Variants in CCDC170 observed in about 807,000 individuals in gnomAD.
The protein encoded by CCDC170 is coiled-coil domain containing 170.
A neutral mutation model predicts 72.6 loss-of-function variants in CCDC170; 69 were observed. The observed-to-expected ratio is 0.95, with a 90% CI of 0.78 to 1.16. The LOEUF (loss-of-function observed/expected upper bound fraction) is 1.16. CCDC170 is among the 50% of genes most tolerant of loss of function. The pLI, the probability that CCDC170 is intolerant of heterozygous loss-of-function variation, is 0.00. For missense variants in CCDC170, 852 were observed against 832.5 expected, an observed-to-expected ratio of 1.02 and a Z score of -0.29; for synonymous variants, 300 against 303.9, an observed-to-expected ratio of 0.99 and a Z score of 0.13.
At chr6:151,563,969 A>G (rs1776088257) in intron 5 of CCDC170, among the ~76,000 whole-genome samples, 1 of 152,042 alleles carries the variant, frequency 6.6e-6, no homozygotes, top group Non-Finnish European at 1.5e-5. Context: ...TTGTCCATTC[A>G]CTAGTAACTT....
intron 5 of CCDC170, among the ~76,000 whole-genome samples, chr6:151,554,092 T>A (rs1382173366): frequency 6.6e-6 from 1 of 152,200 alleles, no homozygotes; most frequent in Non-Finnish European, 1.5e-5. Flanking sequence ...ATAAATATAT[T>A]ACTTAAAAAT....
At chr6:151,529,979 AC>A (rs1331590740) in intron 1 of CCDC170, among the ~76,000 whole-genome samples, 1 of 152,188 alleles carries the variant, frequency 6.6e-6, no homozygotes, top group African/African-American at 2.4e-5. Flanking sequence ...CTCTGGTGAT[AC>A]CTAACCTACT....
At chr6:151,571,348 T>C (rs4870043) in intron 5 of CCDC170, among the ~76,000 whole-genome samples, 139,332 of 152,028 alleles carry the variant, frequency 0.92, 64,101 homozygotes, top group East Asian at 0.99. Flanking sequence ...GTTAACTAGG[T>C]AGCAATACTA....
intron 6 of CCDC170, among the ~76,000 whole-genome samples, chr6:151,575,474 G>C (rs1373716143): frequency 6.7e-6 from 1 of 148,946 alleles, no homozygotes; most frequent in Non-Finnish European, 1.5e-5. Flanking sequence ...CATACTCTAG[G>C]AGCAACCTTA....
chr6:151,589,783 G>A (rs1776506810), intron 7 of CCDC170, among the ~76,000 whole-genome samples: 1 of 152,098 alleles, frequency 6.6e-6, no homozygotes, highest in African/African-American at 2.4e-5. Flanking sequence ...CCCAGGATCA[G>A]GTACAGATTC....
intron 1 of CCDC170, among the ~76,000 whole-genome samples, chr6:151,526,722 C>G (rs1027404770): frequency 6.6e-6 from 1 of 151,766 alleles, no homozygotes; most frequent in South Asian, 2.1e-4. Flanking sequence ...CCATTTTAGG[C>G]CTTAATTGCC....
At chr6:151,533,523 A>T (rs1206192705) in intron 1 of CCDC170, among the ~76,000 whole-genome samples, 1 of 151,654 alleles carries the variant, frequency 6.6e-6, no homozygotes, top group Non-Finnish European at 1.5e-5. Flanking sequence ...CAAAATTAGC[A>T]GGGCGTGGTG....
intron 1 of CCDC170, among the ~76,000 whole-genome samples, chr6:151,523,609 C>T (rs1373018590): frequency 6.6e-6 from 1 of 151,718 alleles, no homozygotes; most frequent in Non-Finnish European, 1.5e-5. Flanking sequence ...TCTCTTGAAC[C>T]CAGGAGGTGG....
chr6:151,523,578 C>G (rs188615941), intron 1 of CCDC170, among the ~76,000 whole-genome samples: 5 of 151,380 alleles, frequency 3.3e-5, no homozygotes, highest in African/African-American at 1.2e-4. Flanking sequence ...CCCAGCTACT[C>G]GGGACGCTGA....
At position 151,590,262 on chromosome 6, in the gene CCDC170, CT is replaced by C. The variant is rs535357575; in HGVS notation, c.1294-2844del. Among the ~76,000 whole-genome samples the C allele has an allele frequency of 1.5e-4, 23 of 152,108 alleles. No individual in the cohort carries two copies. In the South Asian group the frequency reaches 4.2e-3, roughly 27 times the overall value. On this transcript the variant is annotated intron_variant, in intron 7 of 10. Transcript: ENST00000239374. ...TAAGGCCAGAAAAAATCATTTTTTC[CT>C]GTATTTCTCCAGGGCCTAGAGAAAG...
At chr6:151,528,135 T>C (rs992160530) in intron 1 of CCDC170, among the ~76,000 whole-genome samples, 1 of 152,194 alleles carries the variant, frequency 6.6e-6, no homozygotes, top group Admixed American at 6.5e-5. Flanking sequence ...AAATCATATG[T>C]AGTTGGCTCT....
intron 5 of CCDC170, among the ~76,000 whole-genome samples, chr6:151,550,393 G>T (rs4870039): frequency 6.6e-6 from 1 of 151,954 alleles, no homozygotes; most frequent in Non-Finnish European, 1.5e-5. Context: ...AGAAGGAGTT[G>T]CCTTTTCAGG....
At chr6:151,533,683 AAT>A (rs1782529821) in intron 1 of CCDC170, among the ~76,000 whole-genome samples, 1 of 147,868 alleles carries the variant, frequency 6.8e-6, no homozygotes, top group Non-Finnish European at 1.5e-5. Context: ...AAAAAAAAAA[AAT>A]CATCACTTCT....
chr6:151,591,922 G>C (rs1776542553), intron 7 of CCDC170, among the ~76,000 whole-genome samples: 1 of 152,190 alleles, frequency 6.6e-6, no homozygotes, highest in South Asian at 2.1e-4. Flanking sequence ...AGCCCAAGAA[G>C]AGTAAAGTGG....
At chr6:151,517,439 T>C (rs1285045085) in intron 1 of CCDC170, among the ~76,000 whole-genome samples, 1 of 150,744 alleles carries the variant, frequency 6.6e-6, no homozygotes, top group Admixed American at 6.6e-5. Flanking sequence ...TTCTTCTTTT[T>C]TTTTTTTTTT....
At chr6:151,521,967 C>CAAGAGTGAAATTCCA in intron 1 of CCDC170, among the ~76,000 whole-genome samples, 1 of 133,342 alleles carries the variant, frequency 7.5e-6, no homozygotes, top group Admixed American at 8.5e-5. Context: ...GCCTGGGTGA[C>CAAGAGTGAAATTCCA]TGAGCGAGAC....
At chr6:151,582,689 A>T (rs1426010079) in intron 6 of CCDC170, among the ~76,000 whole-genome samples, 1 of 152,216 alleles carries the variant, frequency 6.6e-6, no homozygotes, top group Non-Finnish European at 1.5e-5. Flanking sequence ...ATGAACCTCA[A>T]GAAACTTTCA....
chr6:151,540,284 C>T lies in CCDC170; in HGVS notation c.443+1983C>T, dbSNP rs190925689. On this transcript the variant is annotated intron_variant, in intron 3 of 10. Transcript: ENST00000239374. ...GCCTTCTTGCTGTATCCTCACACGG[C>T]AGAGAAAGAGATCACCTCTCCATGT... Among the ~76,000 whole-genome samples the T allele has an allele frequency of 1.5e-4, 22 of 149,302 alleles. No individual in the cohort carries two copies. In the East Asian group the frequency reaches 4.4e-3, roughly 30 times the overall value.
intron 5 of CCDC170, among the ~76,000 whole-genome samples, chr6:151,553,151 T>C (rs1264974684): frequency 2.0e-5 from 3 of 152,146 alleles, no homozygotes; most frequent in Admixed American, 6.5e-5. Flanking sequence ...GAAACCAAAA[T>C]TGATGATTTA....
Sources: gnomAD v4.1 joint callset for allele counts (sites outside exome capture counted in the v4.1 genomes callset) on GRCh38, gnomAD v4.1.1 for gene constraint, MANE v1.5 for transcripts, NCBI Gene and HGNC (gene_info 2026-07-23, HGNC 2026-07-21) for gene names.